Variants in NMD3 observed in about 807,000 individuals in gnomAD.
NMD3 encodes NMD3 ribosome export adaptor.
Under a neutral mutation model 73.1 loss-of-function variants are expected in NMD3, and 47 were observed. That is an observed-to-expected ratio of 0.64 (90% CI 0.51 to 0.82). NMD3 has a LOEUF of 0.82. Ranked by LOEUF, NMD3 falls within the 40% of genes least tolerant of loss-of-function variation. The pLI, the probability that NMD3 is intolerant of heterozygous loss-of-function variation, is 0.00. For missense variants in NMD3, 554 were observed against 612.5 expected (o/e 0.90, Z 1.01); for synonymous variants, 210 against 194.5 (o/e 1.08, Z -0.66).
At chr3:161,225,783 A>G (rs1736287684) in intron 3 of NMD3, among the ~76,000 whole-genome samples, 1 of 151,810 alleles carries the variant, frequency 6.6e-6, no homozygotes, top group Non-Finnish European at 1.5e-5. Context: ...GAATTTGAAA[A>G]CTGTATCTCT....
intron 4 of NMD3, among the ~76,000 whole-genome samples, chr3:161,232,157 T>TA (rs1407614540): frequency 3.7e-5 from 5 of 135,294 alleles, no homozygotes; most frequent in Non-Finnish European, 7.8e-5. Context: ...TTTTTTTTTT[T>TA]AACCACTGCT....
chr3:161,224,985 G>A lies in NMD3; in HGVS notation c.100G>A (p.Ala34Thr), dbSNP rs145417442. Residue 34 changes from alanine (A) to threonine (T), a missense_variant, in exon 3 of 16, where the codon GCC (alanine) becomes ACC (threonine). Physicochemically the swap from Ala to Thr is moderately conservative, Grantham distance 58 (BLOSUM62 0). Transcript: ENST00000351193. Reference protein sequence around the residue: ...ISPNPANICVACLRSKVDISQ... With the variant: ...ISPNPANICVTCLRSKVDISQ... ...TCCAAATCCTGCCAATATTTGTGTG[G>A]CCTGTTTGCGAAGTAAAGTGGACAT... 14 of 1,613,636 alleles carry A rather than the reference G, an allele frequency of 8.7e-6. No homozygotes were observed. In the African/African-American group the frequency reaches 1.9e-4, roughly 22 times the overall value.
intron 6 of NMD3, 97 bp downstream of exon 6, chr3:161,234,952 C>G: frequency 8.0e-7 from 1 of 1,253,994 alleles, no homozygotes; most frequent in Middle Eastern, 1.9e-4. Context: ...TAGTCTGGGT[C>G]CCTGAAGCAT....
chr3:161,242,763 CT>C, intron 11 of NMD3, 110 bp downstream of exon 11: 1 of 881,718 alleles, frequency 1.1e-6, no homozygotes, highest in Non-Finnish European at 1.7e-6. Context: ...GGAATCCAAA[CT>C]TAGCACCACA....
intron 3 of NMD3, among the ~76,000 whole-genome samples, chr3:161,225,694 C>G (rs912867380): frequency 6.6e-6 from 1 of 152,002 alleles, no homozygotes; most frequent in Non-Finnish European, 1.5e-5. Context: ...AAAGTGTATG[C>G]CTGTTATTTC....
chr3:161,224,967 C>T lies in NMD3; in HGVS notation c.82C>T (p.Pro28Ser), dbSNP rs954712785. 8.1e-6 allele frequency: 13 copies of T among 1,613,572 alleles called. No individual in the cohort carries two copies. The highest frequency in any genetic ancestry group is 1.1e-5 in the Non-Finnish European group (13 of 1,179,802). ...CECGVPISPN[P>S]ANICVACLRS... ...GTGTGGTGTTCCGATAAGTCCAAAT[C>T]CTGCCAATATTTGTGTGGCCTGTTT... is the stretch of plus-strand genomic sequence containing the variant. Residue 28 changes from proline (P) to serine (S), a missense_variant, in exon 3 of 16, where the codon CCT becomes TCT. Physicochemically the swap from Pro to Ser is moderately conservative, Grantham distance 74. Coordinates refer to ENST00000351193, the MANE Select transcript of NMD3 (RefSeq NM_015938.5).
chr3:161,229,479 C>A (rs1030636396), intron 4 of NMD3, among the ~76,000 whole-genome samples: 1 of 152,036 alleles, frequency 6.6e-6, no homozygotes, highest in Non-Finnish European at 1.5e-5. Flanking sequence ...CCTGAGCAGC[C>A]AAGTCACTGG....
At chr3:161,226,078 G>C (rs899411839) in intron 3 of NMD3, among the ~76,000 whole-genome samples, 2 of 152,042 alleles carry the variant, frequency 1.3e-5, no homozygotes, top group Non-Finnish European at 2.9e-5. Flanking sequence ...ACTCTTAGCT[G>C]TTTATCATCT....
intron 10 of NMD3, among the ~76,000 whole-genome samples, chr3:161,241,902 TG>T (rs1393036194): frequency 6.6e-6 from 1 of 152,116 alleles, no homozygotes; most frequent in African/African-American, 2.4e-5. Flanking sequence ...TTTTTAACAT[TG>T]TCTATAGAAT....
At chr3:161,247,367 A>AC in intron 13 of NMD3, 37 bp downstream of exon 13, 1 of 1,317,098 alleles carries the variant, frequency 7.6e-7, no homozygotes, top group Non-Finnish European at 1.1e-6. Flanking sequence ...TCCTGTGTTA[A>AC]AGAGGATGAA....
intron 4 of NMD3, among the ~76,000 whole-genome samples, chr3:161,232,596 A>G (rs915081455): frequency 1.3e-5 from 2 of 152,210 alleles, no homozygotes; most frequent in African/African-American, 4.8e-5. Flanking sequence ...CTTGAGCATC[A>G]TTCTGGAGTC....
intron 2 of NMD3, 65 bp from the exon 3 acceptor site, chr3:161,224,865 T>A: frequency 6.8e-7 from 1 of 1,466,764 alleles, no homozygotes; most frequent in Non-Finnish European, 9.2e-7. Context: ...TTGTTTGGCA[T>A]CTAAAAAAAA....
chr3:161,247,936 C>T (rs1737315958), intron 13 of NMD3, among the ~76,000 whole-genome samples: 1 of 151,636 alleles, frequency 6.6e-6, no homozygotes, highest in Non-Finnish European at 1.5e-5. Context: ...GCACATGCCA[C>T]CACTCCCAGC....
chr3:161,228,213 G>T (rs1736398803), intron 4 of NMD3, among the ~76,000 whole-genome samples: 1 of 152,046 alleles, frequency 6.6e-6, no homozygotes, highest in Middle Eastern at 3.2e-3. Context: ...AGACTTTTCT[G>T]ATTCTCCTTT....
chr3:161,249,431 C>T (rs1246693823), intron 13 of NMD3, 23 bp from the exon 14 acceptor site: 1 of 1,503,958 alleles, frequency 6.6e-7, no homozygotes, highest in Non-Finnish European at 9.1e-7. Flanking sequence ...TTCTTTGTAA[C>T]TTTACAAATA....
At chr3:161,244,484 A>C (rs941891066) in intron 11 of NMD3, among the ~76,000 whole-genome samples, 1 of 152,188 alleles carries the variant, frequency 6.6e-6, no homozygotes, top group Non-Finnish European at 1.5e-5. Context: ...GAGTTGATCT[A>C]GGAATCATTT....
chr3:161,227,945 C>T (rs954039863), intron 4 of NMD3, among the ~76,000 whole-genome samples: 8 of 151,940 alleles, frequency 5.3e-5, no homozygotes, highest in Admixed American at 2.0e-4. Context: ...AAAACCATCA[C>T]TAAACATAAT....
At position 161,251,742 on chromosome 3, in the gene NMD3, A is replaced by G. The variant is rs1167201089; in HGVS notation, c.*832A>G. The G allele has an allele frequency of 6.6e-6, 1 of 152,222 alleles. No homozygotes were observed. Among genetic ancestry groups the G allele is most frequent in the Non-Finnish European group, 1.5e-5 (1 of 68,030 alleles). The allele number at this position is 152,222 out of a possible 1,614,324, so 9.4% of individuals were successfully genotyped here. ...AGTTTCTGTCATTGAACAGATCACCATTAAAAAGAATATTAGAATCCAGCA... is the reference window on the plus strand; with the variant it reads ...AGTTTCTGTCATTGAACAGATCACCGTTAAAAAGAATATTAGAATCCAGCA... On this transcript the variant is annotated 3_prime_UTR_variant, in exon 16 of 16. Coordinates refer to ENST00000351193, the MANE Select transcript of NMD3 (RefSeq NM_015938.5).
At chr3:161,222,623 T>C (rs1260546144) in intron 2 of NMD3, among the ~76,000 whole-genome samples, 4 of 152,062 alleles carry the variant, frequency 2.6e-5, no homozygotes, top group Non-Finnish European at 5.9e-5. Context: ...GGTTTAATGA[T>C]ACAGTGCTCT....
Sources: gnomAD v4.1 joint callset for allele counts (sites outside exome capture counted in the v4.1 genomes callset) on GRCh38, gnomAD v4.1.1 for gene constraint, MANE v1.5 for transcripts, NCBI Gene and HGNC (gene_info 2026-07-23, HGNC 2026-07-21) for gene names.